The following CATSPER4 variants were observed in gnomAD, a reference collection of about 807,000 sequenced individuals.
CATSPER4 encodes the protein cation channel sperm associated 4, also known as cation channel sperm-associated protein 4.
Under a neutral mutation model 54.4 loss-of-function variants are expected in CATSPER4, and 46 were observed. The observed-to-expected ratio is 0.84, with a 90% confidence interval of 0.67 to 1.08. The LOEUF (loss-of-function observed/expected upper bound fraction) is 1.08. Among genes scored for constraint, CATSPER4 ranks in the 50% least tolerant of loss-of-function variants. The probability of loss-of-function intolerance (pLI) is 0.00; values close to 1 mark genes in which losing one functional copy is unlikely to be tolerated. For missense variants in CATSPER4, 574 were observed against 612.8 expected, an observed-to-expected ratio of 0.94 and a Z score of 0.67; for synonymous variants, 230 against 231.9, an observed-to-expected ratio of 0.99 and a Z score of 0.08.
In CATSPER4 at chr1:26,199,954, G is replaced by T. The variant is rs776565052; in HGVS notation, c.883G>T (p.Ala295Ser). Residue 295 changes from alanine to serine, a missense_variant, in exon 7 of 10, where the codon GCC becomes TCC. By Grantham distance (99) the Ala-to-Ser change is moderately conservative. Transcript: ENST00000456354. ...IYFTIFITIG[A>S]FIGINLFVIV... ...CTTTACCATCTTCATCACCATCGGTGCCTTCATTGGCATCAACCTGTTCGT... is the reference window on the plus strand; with the variant it reads ...CTTTACCATCTTCATCACCATCGGTTCCTTCATTGGCATCAACCTGTTCGT... 1 of 1,614,192 alleles carries T rather than the reference G, an allele frequency of 6.2e-7. No homozygotes were observed. Among genetic ancestry groups the T allele is most frequent in the Non-Finnish European group, 8.5e-7 (1 of 1,180,014 alleles).
chr1:26,200,448 G>A (rs946726585), intron 7 of CATSPER4, among the ~76,000 whole-genome samples: 2 of 152,054 alleles, frequency 1.3e-5, no homozygotes, highest in African/African-American at 4.8e-5. Flanking sequence ...TGTTAGCTAC[G>A]GTATTATTCA....
intron 3 of CATSPER4, 26 bp downstream of exon 3, chr1:26,193,914 A>C: frequency 6.5e-7 from 1 of 1,541,460 alleles, no homozygotes; most frequent in East Asian, 2.2e-5. Context: ...CTTTGCCCCT[A>C]CTTCCCCCTG....
At chr1:26,193,746 C>G (rs745586481) in intron 2 of CATSPER4, 41 bp from the exon 3 acceptor site, 2 of 1,387,914 alleles carry the variant, frequency 1.4e-6, no homozygotes, top group South Asian at 1.2e-5. Context: ...CCCTGCTCCA[C>G]TGACCTCTCT....
intron 8 of CATSPER4, 121 bp from the exon 9 acceptor site, chr1:26,201,228 AGCTCG>A: frequency 9.1e-7 from 1 of 1,104,636 alleles, no homozygotes; most frequent in Non-Finnish European, 1.3e-6. Context: ...ACAAGGGCAC[AGCTCG>A]GCCTGGGTCT....
intron 3 of CATSPER4, among the ~76,000 whole-genome samples, chr1:26,194,807 C>A (rs938501161): frequency 6.6e-6 from 1 of 152,146 alleles, no homozygotes; most frequent in Non-Finnish European, 1.5e-5. Context: ...AGTTTTCTTG[C>A]TGGCTGCAGT....
intron 7 of CATSPER4, 123 bp from the exon 8 acceptor site, chr1:26,200,707 C>A: frequency 2.6e-6 from 2 of 762,476 alleles, no homozygotes; most frequent in Admixed American, 3.9e-5. Context: ...TTGGTGAGAG[C>A]TGAAATGAGG....
At position 26,193,778 on chromosome 1, in the gene CATSPER4, C is replaced by G. The variant is rs1185864576; in HGVS notation, c.358-9C>G. 6.3e-7 allele frequency: 1 copy of G among 1,592,444 alleles called. No homozygotes were observed. The highest frequency in any genetic ancestry group is 8.6e-7 in the Non-Finnish European group (1 of 1,160,112). On this transcript the variant is annotated splice_polypyrimidine_tract_variant and intron_variant, in intron 2 of 9. Coordinates refer to ENST00000456354, the MANE Select transcript of CATSPER4 (RefSeq NM_198137.2). ...CTCTGCCCCTCTTTTTTCTCTGTCTCCCATGTAGAAACACTATGAGTTGTT... is the reference window on the plus strand; with the variant it reads ...CTCTGCCCCTCTTTTTTCTCTGTCTGCCATGTAGAAACACTATGAGTTGTT...
At chr1:26,202,332 A>G (rs544131776) in intron 9 of CATSPER4, among the ~76,000 whole-genome samples, 157 bp from the exon 10 acceptor site, 4 of 152,192 alleles carry the variant, frequency 2.6e-5, no homozygotes, top group Non-Finnish European at 5.9e-5. Flanking sequence ...TGGGCTCCCA[A>G]ACTCAGAGGG....
At position 26,201,460 on chromosome 1, in the gene CATSPER4, G is replaced by A. The variant is rs6657616; in HGVS notation, c.1306G>A (p.Asp436Asn). 0.25 allele frequency: 406,999 copies of A among 1,613,568 alleles called. 53,776 individuals carry two copies. Among genetic ancestry groups the A allele is most frequent in the African/African-American group, 0.36 (26,761 of 74,898 alleles). ...GTCGTTGGAGACTACGTCATCCAAG[G>A]ACATCCGCCAGATGTCTCAACAGCA... ...SGSLETTSSK[D>N]IRQMSQQQDL... Residue 436 changes from aspartate to asparagine, a missense_variant, in exon 9 of 10, where the codon GAC (aspartate) becomes AAC (asparagine). Coordinates refer to ENST00000456354, the MANE Select transcript of CATSPER4 (RefSeq NM_198137.2).
In CATSPER4 at chr1:26,201,970, T is replaced by A. The variant is rs1484197995; in HGVS notation, c.1365+451T>A. Among the ~76,000 whole-genome samples, 4 of 152,188 alleles carry A rather than the reference T, an allele frequency of 2.6e-5. No individual in the cohort carries two copies. The East Asian group carries it at 7.7e-4, about 29-fold the overall frequency. On this transcript the variant is annotated intron_variant, in intron 9 of 9. Coordinates refer to ENST00000456354, the MANE Select transcript of CATSPER4 (RefSeq NM_198137.2). ...TCCCAAAGTGCTGGGATTACAGGCG[T>A]GAGCCACTGCACCTGGCTGTCTGCC...
chr1:26,198,974 C>T (rs1181786587), intron 6 of CATSPER4, among the ~76,000 whole-genome samples: 6 of 152,330 alleles, frequency 3.9e-5, no homozygotes, highest in East Asian at 1.9e-4. Flanking sequence ...AGGGCTTCTA[C>T]AGTCATTCTC....
chr1:26,199,746 G>C (rs2088984552), intron 6 of CATSPER4, 138 bp from the exon 7 acceptor site: 1 of 881,888 alleles, frequency 1.1e-6, no homozygotes. Flanking sequence ...GACAGGAGTA[G>C]GGAATGGGAT....
At position 26,191,438 on chromosome 1, in the gene CATSPER4, GC is replaced by G. The variant is rs552254324; in HGVS notation, c.357+10del. 9.7e-5 allele frequency: 156 copies of G among 1,614,042 alleles called. 2 individuals are homozygous for G. The South Asian group carries it at 1.6e-3, about 17-fold the overall frequency. On this transcript the variant is annotated intron_variant, in intron 2 of 9. Coordinates refer to ENST00000456354, the MANE Select transcript of CATSPER4 (RefSeq NM_198137.2). ...AACTCCTACCTGGACCAGGTGGGAT[GC>G]CAGCATGACCTCTGCCCCACTAACC... is the stretch of plus-strand genomic sequence containing the variant.
At chr1:26,193,071 A>G (rs1049277133) in intron 2 of CATSPER4, among the ~76,000 whole-genome samples, 1 of 148,144 alleles carries the variant, frequency 6.8e-6, no homozygotes, top group African/African-American at 2.6e-5. Context: ...ATTAAAAAAA[A>G]AAAGAAAGAA....
intron 2 of CATSPER4, 118 bp downstream of exon 2, chr1:26,191,548 G>A: frequency 8.4e-7 from 1 of 1,194,692 alleles, no homozygotes; most frequent in Non-Finnish European, 1.2e-6. Flanking sequence ...CTCTTCAAGG[G>A]TCTGTCAGCT....
chr1:26,200,107 A>G, intron 7 of CATSPER4, 49 bp downstream of exon 7: 13 of 1,578,268 alleles, frequency 8.2e-6, no homozygotes, highest in Non-Finnish European at 1.1e-5. Flanking sequence ...TGTGTATGAG[A>G]GCGGACTTGA....
intron 2 of CATSPER4, among the ~76,000 whole-genome samples, chr1:26,192,446 C>T (rs2088881391): frequency 6.6e-6 from 1 of 151,852 alleles, no homozygotes; most frequent in African/African-American, 2.4e-5. Context: ...AAAAATTAGC[C>T]AGGCATGGTG....
At chr1:26,199,460 G>A (rs941908051) in intron 6 of CATSPER4, among the ~76,000 whole-genome samples, 4 of 151,140 alleles carry the variant, frequency 2.6e-5, no homozygotes, top group Middle Eastern at 3.2e-3. Flanking sequence ...TTAGCCAGGC[G>A]TGGTGGCAAG....
At chr1:26,191,491 C>T in intron 2 of CATSPER4, 61 bp downstream of exon 2, 1 of 1,579,212 alleles carries the variant, frequency 6.3e-7, no homozygotes, top group Non-Finnish European at 8.7e-7. Context: ...GGCAAGAACT[C>T]TTCCGGCCTC....
Sources: allele counts gnomAD v4.1 joint callset (sites outside exome capture counted in the v4.1 genomes callset), GRCh38; gene constraint gnomAD v4.1.1; transcripts MANE v1.5; gene names NCBI Gene and HGNC (gene_info 2026-07-23, HGNC 2026-07-21).